PLOD3: variants seen among roughly 807,000 people sequenced by gnomAD.
PLOD3 encodes multifunctional procollagen lysine hydroxylase and glycosyltransferase LH3.
In PLOD3, 73 loss-of-function variants were observed where a neutral mutation model predicts 96.9. The observed-to-expected ratio is 0.75, with a 90% confidence interval of 0.62 to 0.92. The LOEUF is 0.92. Among genes scored for constraint, PLOD3 ranks in the 40% least tolerant of loss-of-function variants. The pLI is 0.00. For missense variants in PLOD3, 1,004 were observed against 1,004.3 expected, an observed-to-expected ratio of 1.00 and a Z score of 0.00; for synonymous variants, 454 against 413.7, an observed-to-expected ratio of 1.10 and a Z score of -1.18.
intron 18 of PLOD3, 127 bp from the exon 19 acceptor site, chr7:101,206,563 G>T: frequency 2.0e-6 from 2 of 1,006,300 alleles, no homozygotes; most frequent in Non-Finnish European, 3.0e-6. Context: ...AAGGGAGATG[G>T]CAGATATGGC....
intron 16 of PLOD3, 178 bp downstream of exon 16, chr7:101,208,675 A>G (rs1798130126): frequency 1.6e-6 from 1 of 627,384 alleles, no homozygotes; most frequent in Admixed American, 2.1e-5. Context: ...GGCATGAGCC[A>G]CTGTGCCCAG....
chr7:101,214,476 C>T (rs1307043150), intron 6 of PLOD3, among the ~76,000 whole-genome samples: 1 of 152,158 alleles, frequency 6.6e-6, no homozygotes, highest in Non-Finnish European at 1.5e-5. Flanking sequence ...AGTCACCAAC[C>T]CCTCCACAAG....
At chr7:101,213,449 C>T (rs1021551426) in intron 6 of PLOD3, 8 of 555,578 alleles carry the variant, frequency 1.4e-5, no homozygotes, top group Admixed American at 3.0e-5. Context: ...GTGAGCTGAG[C>T]GGGAGGCCAG....
Position 101,215,961 on chromosome 7 carries a change from C to T in PLOD3, c.562G>A (p.Asp188Asn). ...GTGTAGAACAGCTGGTCGTCGTCATCATCCTTGTACTTCCACTGGCGCACG... is the reference window on the plus strand; with the variant it reads ...GTGTAGAACAGCTGGTCGTCGTCATTATCCTTGTACTTCCACTGGCGCACG... Reference protein sequence around the residue: ...QIVRQWKYKDDDDDQLFYTRL... With the variant: ...QIVRQWKYKDNDDDQLFYTRL... The change falls in exon 5 of 19, where the codon GAT (aspartate) becomes AAT (asparagine). Residue 188 changes from aspartate (D) to asparagine (N), a missense_variant. Coordinates refer to ENST00000223127, the MANE Select transcript of PLOD3 (RefSeq NM_001084.5). 6.2e-7 allele frequency: 1 copy of T among 1,614,162 alleles called. No individual in the cohort carries two copies. The highest frequency in any genetic ancestry group is 8.5e-7 in the Non-Finnish European group (1 of 1,180,030).
chr7:101,207,804 C>T (rs1170461415), intron 16 of PLOD3, 80 bp from the exon 17 acceptor site: 4 of 1,504,528 alleles, frequency 2.7e-6, no homozygotes, highest in Admixed American at 3.4e-5. Context: ...CTCCTTCCTC[C>T]CGTCCTCCAG....
Position 101,210,600 on chromosome 7 carries a change from G to A in PLOD3, c.1432C>T (p.Gln478Ter), listed in dbSNP as rs769095247. 1 of 1,614,148 alleles carries A rather than the reference G, an allele frequency of 6.2e-7. No homozygotes were observed. Among genetic ancestry groups the A allele is most frequent in the Non-Finnish European group, 8.5e-7 (1 of 1,179,988 alleles). ...RGDTLRMELP[Q>*]RDVFSGSDTD... ...TCACTGCCCGAGAACACATCCCTCT[G>A]GGGCAGCTCCATCCGCAGGGTATCA... The change falls in exon 13 of 19, where the codon CAG becomes TAG. Residue 478 changes from glutamine to a stop codon, truncating the protein, a stop_gained. Coordinates refer to ENST00000223127, the MANE Select transcript of PLOD3 (RefSeq NM_001084.5). LOFTEE classifies it high-confidence loss of function.
Position 101,207,711 on chromosome 7 carries a change from G to A in PLOD3, c.1802C>T (p.Ala601Val). The A allele has an allele frequency of 2.5e-6, 4 of 1,613,860 alleles. No homozygotes were observed. The highest frequency in any genetic ancestry group is 2.2e-5 in the East Asian group (1 of 44,848). Reference protein sequence around the residue: ...SGGRHEDSRLAGGYENVPTVD... With the variant: ...SGGRHEDSRLVGGYENVPTVD... ...GGTGGGCACATTCTCGTAGCCTCCA[G>A]CCAGCCTTGAATCCTGGGGGCGGCG... Residue 601 changes from alanine to valine, a missense_variant, in exon 17 of 19, where the codon GCT becomes GTT. Physicochemically the swap from Ala to Val is moderately conservative, Grantham distance 64 (BLOSUM62 0). Around this residue, in one of 5 missense-constraint regions of PLOD3, gnomAD observed 222 missense variants for 220.4 expected, o/e 1.01. Transcript: ENST00000223127.
chr7:101,216,588 T>C (rs773017082), intron 2 of PLOD3, 42 bp from the exon 3 acceptor site: 8 of 1,612,384 alleles, frequency 5.0e-6, no homozygotes, highest in Middle Eastern at 3.3e-4. Flanking sequence ...GGGTGGGGAG[T>C]TGTGGGGGGA....
In PLOD3 at chr7:101,213,101, T is replaced by TG; in HGVS notation, c.777+5dup. On this transcript the variant is annotated splice_donor_region_variant and intron_variant, in intron 7 of 18. Coordinates refer to ENST00000223127, the MANE Select transcript of PLOD3 (RefSeq NM_001084.5). ...GCGGGGCGGGGGTTGAGACCACTGG[T>TG]GGCACCTTAGTGGGACCGTTTCCAT... is the stretch of plus-strand genomic sequence containing the variant. The TG allele has an allele frequency of 1.9e-6, 3 of 1,597,894 alleles. No individual in the cohort carries two copies. The highest frequency in any genetic ancestry group is 1.7e-6 in the Non-Finnish European group (2 of 1,165,782).
At chr7:101,207,993 G>A (rs1027986885) in intron 16 of PLOD3, among the ~76,000 whole-genome samples, 2 of 152,158 alleles carry the variant, frequency 1.3e-5, no homozygotes, top group Non-Finnish European at 2.9e-5. Context: ...GCTGCTCATC[G>A]CAGCCTTAGA....
At chr7:101,215,224 C>G (rs1257708791) in intron 5 of PLOD3, 72 bp from the exon 6 acceptor site, 13 of 1,154,828 alleles carry the variant, frequency 1.1e-5, no homozygotes, top group African/African-American at 4.6e-5. Flanking sequence ...TCACTTTTCT[C>G]TCTCTTTTTT....
At chr7:101,210,018 T>A (rs1798156017) in intron 15 of PLOD3, 75 bp downstream of exon 15, 1 of 730,688 alleles carries the variant, frequency 1.4e-6, no homozygotes, top group South Asian at 1.8e-5. Context: ...GTGAAAACTT[T>A]GAATCCAGGC....
rs368208756 is a variant in PLOD3 at position 101,216,405 on chromosome 7, G to A, written c.338+5C>T. 5.0e-6 allele frequency: 8 copies of A among 1,613,960 alleles called. No homozygotes were observed. The African/African-American group carries it at 5.3e-5, about 11-fold the overall frequency. Reference sequence around the variant, plus strand: ...TACCCCGCTCCCTATCCCCAGCCCCGTTACCTATCCACAAACATGATGATC... The same window carrying A: ...TACCCCGCTCCCTATCCCCAGCCCCATTACCTATCCACAAACATGATGATC... On this transcript the variant is annotated splice_donor_5th_base_variant and intron_variant, in intron 3 of 18. Coordinates refer to ENST00000223127, the MANE Select transcript of PLOD3 (RefSeq NM_001084.5).
chr7:101,212,573 A>G lies in PLOD3; in HGVS notation c.962T>C (p.Leu321Pro). 1 of 1,613,876 alleles carries G rather than the reference A, an allele frequency of 6.2e-7. No homozygotes were observed. Among genetic ancestry groups the G allele is most frequent in the Non-Finnish European group, 8.5e-7 (1 of 1,179,898 alleles). The change falls in exon 9 of 19, where the codon CTG becomes CCG. Residue 321 changes from leucine to proline, a missense_variant. Physicochemically the swap from Leu to Pro is moderately conservative, Grantham distance 98 (BLOSUM62 -3). Around this residue, in one of 5 missense-constraint regions of PLOD3, gnomAD observed 690 missense variants for 650.2 expected, o/e 1.06. Coordinates refer to ENST00000223127, the MANE Select transcript of PLOD3 (RefSeq NM_001084.5). ...LPRFLQRLLL[L>P]DYPPDRVTLF... The stretch of plus-strand genomic sequence containing the variant: ...GGTGACCCTGTCGGGGGGATAGTCC[A>G]GGAGTAGCAGCCGCTGCAGGAAGCG...
At chr7:101,212,008 A>G in intron 10 of PLOD3, 58 bp from the exon 11 acceptor site, 1 of 1,219,078 alleles carries the variant, frequency 8.2e-7, no homozygotes, top group Non-Finnish European at 1.2e-6. Context: ...TGGATGGGGT[A>G]ACTGGCCCAT....
rs1798295069 is a variant in PLOD3, at chr7:101,217,300, C to T, written c.-26G>A. 1 of 1,424,502 alleles carries T rather than the reference C, an allele frequency of 7.0e-7. No homozygotes were observed. The highest frequency in any genetic ancestry group is 9.2e-7 in the Non-Finnish European group (1 of 1,087,976). 88.2% of individuals were successfully genotyped at this position (1,424,502 alleles called of 1,614,324 possible). A position where few individuals can be genotyped will look rare whatever the true frequency, so the allele number is the denominator to read the frequency against. ...GGTGGGGAGCGGGCCCAGACAGCAC[C>T]CAGGATCCTGGGATCTCCGCTACGC... On this transcript the variant is annotated 5_prime_UTR_variant, in exon 1 of 19. Coordinates refer to ENST00000223127, the MANE Select transcript of PLOD3 (RefSeq NM_001084.5).
At position 101,216,322 on chromosome 7, in the gene PLOD3, C is replaced by T. The variant is rs753862679; in HGVS notation, c.343G>A (p.Asp115Asn). 4.3e-6 allele frequency: 7 copies of T among 1,613,254 alleles called. No homozygotes were observed. Among genetic ancestry groups the T allele is most frequent in the South Asian group, 1.1e-5 (1 of 91,082 alleles). Residue 115 changes from aspartate to asparagine, a missense_variant, in exon 4 of 19, where the codon GAC becomes AAC. Coordinates refer to ENST00000223127, the MANE Select transcript of PLOD3 (RefSeq NM_001084.5). Reference protein sequence around the residue: ...DMIIMFVDSYDVILAGSPTEL... With the variant: ...DMIIMFVDSYNVILAGSPTEL... ...GTGGGGCTGCCGGCCAGAATCACGT[C>T]GTAGCTGGGTGAGGAAGGGGAGGAT...
intron 2 of PLOD3, 28 bp from the exon 3 acceptor site, chr7:101,216,574 C>T: frequency 1.2e-6 from 2 of 1,613,784 alleles, no homozygotes; most frequent in Non-Finnish European, 1.7e-6. Flanking sequence ...CCGTGCCAGG[C>T]AAGGGGTGGG....
Position 101,211,918 on chromosome 7 carries a change from A to C in PLOD3, c.1160T>G (p.Phe387Cys), listed in dbSNP as rs763320315. The change falls in exon 11 of 19, where the codon TTC becomes TGC. Residue 387 changes from phenylalanine to cysteine, a missense_variant. Phe to Cys is a radical substitution (Grantham distance 205, BLOSUM62 -2). Transcript: ENST00000223127. The stretch of plus-strand genomic sequence containing the variant: ...AGCGTCGGCGTCCAGGCTGAAGTAG[A>C]ACTCACACTCGGGGTCCTGCCGACA... ...DLCRQDPECE[F>C]YFSLDADAVL... 6.2e-7 allele frequency: 1 copy of C among 1,610,604 alleles called. No individual in the cohort carries two copies. The highest frequency in any genetic ancestry group is 1.7e-5 in the Admixed American group (1 of 59,524).
Sources: allele counts gnomAD v4.1 joint callset (sites outside exome capture counted in the v4.1 genomes callset), GRCh38; gene constraint gnomAD v4.1.1; regional missense constraint gnomAD v4.1.1; transcripts MANE v1.5; gene names NCBI Gene and HGNC (gene_info 2026-07-23, HGNC 2026-07-21).